Variants in GRIA1 observed in about 807,000 individuals in gnomAD.
The protein encoded by GRIA1 is glutamate ionotropic receptor AMPA type subunit 1, also known as glutamate receptor 1.
Under a neutral mutation model 99.2 loss-of-function variants are expected in GRIA1, and 31 were observed. The ratio of observed to expected loss-of-function variants is 0.31; its 90% CI spans 0.23 to 0.42. The LOEUF (loss-of-function observed/expected upper bound fraction) is 0.42, where lower values mean the gene tolerates loss of function less well. Among genes scored for constraint, GRIA1 ranks in the 10% least tolerant of loss-of-function variants. The probability of loss-of-function intolerance (pLI) is 1.00; values close to 1 mark genes in which losing one functional copy is unlikely to be tolerated. For missense variants in GRIA1, 782 were observed against 1,157.5 expected, an observed-to-expected ratio of 0.68 and a Z score of 4.71; for synonymous variants, 438 against 432.4, an observed-to-expected ratio of 1.01 and a Z score of -0.16.
Position 153,726,720 on chromosome 5 carries a change from C to T in GRIA1, c.1823+20653C>T, listed in dbSNP as rs546073489. Among the ~76,000 whole-genome samples, 4 of 152,320 alleles carry T rather than the reference C, an allele frequency of 2.6e-5. No homozygotes were observed. In the South Asian group the frequency reaches 8.3e-4, roughly 32 times the overall value. ...GTTGAATATCTGAGTAGACCAATAACAGGCTCTGAAATTGTGGCAATAATT... is the reference window on the plus strand; with the variant it reads ...GTTGAATATCTGAGTAGACCAATAATAGGCTCTGAAATTGTGGCAATAATT... On this transcript the variant is annotated intron_variant, in intron 11 of 15. Coordinates refer to ENST00000285900, the MANE Select transcript of GRIA1 (RefSeq NM_000827.4).
intron 2 of GRIA1, chr5:153,525,661 T>C (rs515709): frequency 0.35 from 53,874 of 151,956 alleles, 9,946 homozygotes; most frequent in African/African-American, 0.46. Context: ...TGGCTTACTC[T>C]TAGTGGGAAG....
intron 2 of GRIA1, among the ~76,000 whole-genome samples, chr5:153,639,149 C>T (rs538571762): frequency 6.6e-6 from 1 of 152,350 alleles, no homozygotes; most frequent in South Asian, 2.1e-4. Context: ...CAACCTTCCC[C>T]TCCATTGTCT....
At chr5:153,598,055 C>A (rs1439993859) in intron 2 of GRIA1, among the ~76,000 whole-genome samples, 1 of 151,782 alleles carries the variant, frequency 6.6e-6, no homozygotes, top group Non-Finnish European at 1.5e-5. Flanking sequence ...TAGAGAATGA[C>A]ATGTAAATAA....
chr5:153,560,703 C>G (rs1240499062), intron 2 of GRIA1, among the ~76,000 whole-genome samples: 1 of 152,166 alleles, frequency 6.6e-6, no homozygotes, highest in Non-Finnish European at 1.5e-5. Context: ...ACTACTCAGT[C>G]TTGGGTGTGC....
chr5:153,519,003 G>A (rs891720090), intron 2 of GRIA1, among the ~76,000 whole-genome samples: 2 of 152,292 alleles, frequency 1.3e-5, no homozygotes, highest in Admixed American at 6.5e-5. Context: ...GGTGGCTTAC[G>A]CCTGTAATCC....
intron 2 of GRIA1, among the ~76,000 whole-genome samples, chr5:153,499,085 T>C (rs183180199): frequency 8.6e-4 from 131 of 152,340 alleles, no homozygotes; most frequent in Non-Finnish European, 1.4e-3. Context: ...GAATGGTGGC[T>C]GATGGTGGGA....
chr5:153,779,864 G>A (rs558049027), intron 13 of GRIA1, among the ~76,000 whole-genome samples: 1 of 152,258 alleles, frequency 6.6e-6, no homozygotes, highest in South Asian at 2.1e-4. Flanking sequence ...CCATCCTAGA[G>A]CTCCATTTTA....
At chr5:153,759,492 A>C (rs1763040436) in intron 11 of GRIA1, among the ~76,000 whole-genome samples, 1 of 151,960 alleles carries the variant, frequency 6.6e-6, no homozygotes, top group African/African-American at 2.4e-5. Flanking sequence ...GCAACCTATC[A>C]AAATTGAATT....
intron 15 of GRIA1, among the ~76,000 whole-genome samples, chr5:153,804,877 G>A (rs575478046): frequency 7.5e-4 from 114 of 152,022 alleles, no homozygotes; most frequent in East Asian, 2.9e-3. Context: ...TCACCCTCCC[G>A]AGTAGCTGGG....
chr5:153,517,128 G>T (rs1197456366), intron 2 of GRIA1, among the ~76,000 whole-genome samples: 1 of 152,090 alleles, frequency 6.6e-6, no homozygotes, highest in African/African-American at 2.4e-5. Context: ...ACCCACACAG[G>T]CCTAGAGGAT....
chr5:153,588,852 C>T (rs1763722815), intron 2 of GRIA1, among the ~76,000 whole-genome samples: 2 of 152,058 alleles, frequency 1.3e-5, no homozygotes, highest in Non-Finnish European at 2.9e-5. Context: ...ATGTATAACC[C>T]TTTGGTCACC....
chr5:153,710,992 T>C (rs1759273890), intron 11 of GRIA1, among the ~76,000 whole-genome samples: 1 of 152,140 alleles, frequency 6.6e-6, no homozygotes, highest in Non-Finnish European at 1.5e-5. Context: ...GAGACATAAA[T>C]AGCCATATGC....
chr5:153,725,341 A>T (rs1166828581), intron 11 of GRIA1, among the ~76,000 whole-genome samples: 2 of 151,162 alleles, frequency 1.3e-5, no homozygotes, highest in African/African-American at 2.4e-5. Flanking sequence ...TGCATCAACT[A>T]ACAAGCAAAA....
At chr5:153,666,702 T>C (rs909085307) in intron 5 of GRIA1, among the ~76,000 whole-genome samples, 14 of 152,350 alleles carry the variant, frequency 9.2e-5, no homozygotes, top group Admixed American at 6.5e-4. Flanking sequence ...ATGATAATAG[T>C]ACCCACTTTA....
chr5:153,578,148 CAAAAAAAAAAAAA>C (rs60901793), intron 2 of GRIA1, among the ~76,000 whole-genome samples: 977 of 69,420 alleles, frequency 0.014, 15 homozygotes, highest in Middle Eastern at 0.085. Context: ...GAGACTCTGT[CAAAAAAAAAAAAA>C]AAAAAAAAAA....
At chr5:153,600,364 C>G (rs1437880579) in intron 2 of GRIA1, among the ~76,000 whole-genome samples, 1 of 126,178 alleles carries the variant, frequency 7.9e-6, no homozygotes, top group Non-Finnish European at 1.6e-5. Context: ...TGCACTCCAG[C>G]CTGGGCGACA....
At chr5:153,757,075 G>GA (rs1762880304) in intron 11 of GRIA1, among the ~76,000 whole-genome samples, 1 of 152,194 alleles carries the variant, frequency 6.6e-6, no homozygotes, top group Admixed American at 6.5e-5. Context: ...AAAACACAGA[G>GA]AAAAAATTCA....
At chr5:153,515,073 G>T (rs1245811061) in intron 2 of GRIA1, among the ~76,000 whole-genome samples, 1 of 152,060 alleles carries the variant, frequency 6.6e-6, no homozygotes, top group African/African-American at 2.4e-5. Flanking sequence ...ATTAAAAGCA[G>T]AATTATCATG....
At chr5:153,546,792 C>A (rs1035066349) in intron 2 of GRIA1, among the ~76,000 whole-genome samples, 2 of 152,152 alleles carry the variant, frequency 1.3e-5, no homozygotes, top group African/African-American at 4.8e-5. Flanking sequence ...TGTGAAGAAC[C>A]AGCACTTGGA....
Sources: allele counts gnomAD v4.1 joint callset (sites outside exome capture counted in the v4.1 genomes callset), GRCh38; gene constraint gnomAD v4.1.1; transcripts MANE v1.5; gene names NCBI Gene and HGNC (gene_info 2026-07-23, HGNC 2026-07-21).